The following INPP5A variants were observed in gnomAD, a reference collection of about 807,000 sequenced individuals.
INPP5A encodes the protein 43 kDa inositol polyphosphate 5-phophatase.
A neutral mutation model predicts 65.2 loss-of-function variants in INPP5A; 14 were observed. That is an observed-to-expected ratio of 0.21 (90% CI 0.14 to 0.34). INPP5A has a LOEUF of 0.34. Among genes scored for constraint, INPP5A ranks in the 10% least tolerant of loss-of-function variants. The pLI, the probability that INPP5A is intolerant of heterozygous loss-of-function variation, is 1.00. For synonymous variants in INPP5A, 207 were observed against 208.3 expected, an observed-to-expected ratio of 0.99 and a Z score of 0.05; for missense variants, 431 against 545.6, an observed-to-expected ratio of 0.79 and a Z score of 2.09.
chr10:132,710,432 A>G lies in INPP5A; in HGVS notation c.623A>G (p.Lys208Arg). 2 of 1,613,906 alleles carry G rather than the reference A, an allele frequency of 1.2e-6. No individual in the cohort carries two copies. The highest frequency in any genetic ancestry group is 8.5e-7 in the Non-Finnish European group (1 of 1,180,004). ...SPSVYSGIRH[K>R]ALGYVLDRII... ...TCCGTGTACTCGGGAATCCGGCACA[A>G]GGCACTGGGCTACGTGCTGGACAGG... The change falls in exon 8 of 16, where the codon AAG (lysine) becomes AGG (arginine). Residue 208 changes from lysine to arginine, a missense_variant. By Grantham distance (26) the Lys-to-Arg change is conservative. Transcript: ENST00000368594.
intron 4 of INPP5A, among the ~76,000 whole-genome samples, chr10:132,667,475 A>G (rs2072821028): frequency 1.3e-5 from 2 of 152,184 alleles, no homozygotes; most frequent in Admixed American, 6.5e-5. Context: ...CTCTTTAGAA[A>G]TTGGATAGGC....
intron 2 of INPP5A, among the ~76,000 whole-genome samples, chr10:132,638,550 C>T (rs1244586803): frequency 2.0e-5 from 3 of 152,104 alleles, no homozygotes; most frequent in Non-Finnish European, 4.4e-5. Flanking sequence ...TTTGTAGCTC[C>T]CAATTTTATT....
intron 8 of INPP5A, among the ~76,000 whole-genome samples, chr10:132,718,968 TTG>T (rs1845802906): frequency 6.8e-6 from 1 of 148,034 alleles, no homozygotes; most frequent in Non-Finnish European, 1.5e-5. Flanking sequence ...GACGACTGTC[TTG>T]CGGGTTCTGT....
At chr10:132,620,348 T>C (rs529452017) in intron 2 of INPP5A, among the ~76,000 whole-genome samples, 22 of 152,344 alleles carry the variant, frequency 1.4e-4, no homozygotes, top group African/African-American at 5.3e-4. Context: ...GGCTGCAAAG[T>C]TTTCAAACTT....
chr10:132,572,084 GA>G (rs1335400903), intron 1 of INPP5A, among the ~76,000 whole-genome samples: 1 of 152,230 alleles, frequency 6.6e-6, no homozygotes, highest in Non-Finnish European at 1.5e-5. Flanking sequence ...ACACACTGGG[GA>G]TTTGACAGCT....
chr10:132,572,366 T>G (rs763410392), intron 1 of INPP5A, among the ~76,000 whole-genome samples: 5 of 152,316 alleles, frequency 3.3e-5, no homozygotes, highest in African/African-American at 4.8e-5. Flanking sequence ...TCCCTGAGCT[T>G]CTGTTTTGCA....
intron 11 of INPP5A, among the ~76,000 whole-genome samples, chr10:132,751,350 C>T (rs561264832): frequency 3.1e-4 from 47 of 152,368 alleles, no homozygotes; most frequent in Admixed American, 6.5e-4. Flanking sequence ...CTGGGCAAGC[C>T]TAAGGTTTCC....
Position 132,659,048 on chromosome 10 carries a change from C to A in INPP5A, c.306+8543C>A, listed in dbSNP as rs1013937584. Among the ~76,000 whole-genome samples, 1 of 152,200 alleles carries A rather than the reference C, an allele frequency of 6.6e-6. No homozygotes were observed. The highest frequency in any genetic ancestry group is 1.5e-5 in the Non-Finnish European group (1 of 68,034). On this transcript the variant is annotated intron_variant, in intron 4 of 15. Transcript: ENST00000368594. This position sits in a 1 kb window ranked among gnomAD's most constrained non-coding sequence, Gnocchi z 5.5. ...GGAAGCTGCCAGCCACCAAGGCTAC[C>A]GACCTGGGCCCTGGGGATGAGCAGC...
At chr10:132,775,863 C>T (rs1260026309) in intron 12 of INPP5A, among the ~76,000 whole-genome samples, 1 of 152,190 alleles carries the variant, frequency 6.6e-6, no homozygotes, top group African/African-American at 2.4e-5. Flanking sequence ...CCAGGTGGCA[C>T]GGGCTCTCCA....
rs1464538670 is a variant in INPP5A, at chr10:132,753,829, G to A, written c.903+3984G>A. The A allele has an allele frequency of 6.6e-6, 1 of 152,194 alleles. No homozygotes were observed. The highest frequency in any genetic ancestry group is 2.4e-5 in the African/African-American group (1 of 41,444). The allele number at this position is 152,194 out of a possible 1,614,324, so 9.4% of individuals were successfully genotyped here. A position where few individuals can be genotyped will look rare whatever the true frequency, so the allele number is the denominator to read the frequency against. On this transcript the variant is annotated intron_variant, in intron 11 of 15. Coordinates refer to ENST00000368594, the MANE Select transcript of INPP5A (RefSeq NM_005539.5). This position sits in a 1 kb window ranked among gnomAD's most constrained non-coding sequence, Gnocchi z 5.3. ...GCGGCCGGGACAGCTCCTGACAGAT[G>A]GGCAGGATCAGCCGCTGCCTTGTCA...
At position 132,553,396 on chromosome 10, in the gene INPP5A, C is replaced by T. The variant is rs544994532; in HGVS notation, c.75+15225C>T. ...AGGACTGGTGAACGCCTTCTCAGAG[C>T]CTTGGTGGAATATTGAGTAGGATAG... On this transcript the variant is annotated intron_variant, in intron 1 of 15. Coordinates refer to ENST00000368594, the MANE Select transcript of INPP5A (RefSeq NM_005539.5). Among the ~76,000 whole-genome samples the T allele has an allele frequency of 2.3e-4, 32 of 141,546 alleles. 2 individuals are homozygous for T. The South Asian group carries it at 7.0e-3, about 31-fold the overall frequency. 92.9% of individuals were successfully genotyped at this position (141,546 alleles called of 152,430 possible).
At position 132,650,866 on chromosome 10, in the gene INPP5A, C is replaced by G. The variant is rs1368093958; in HGVS notation, c.306+361C>G. Among the ~76,000 whole-genome samples the G allele has an allele frequency of 6.6e-6, 1 of 152,194 alleles. No individual in the cohort carries two copies. The highest frequency in any genetic ancestry group is 1.5e-5 in the Non-Finnish European group (1 of 68,028). On this transcript the variant is annotated intron_variant, in intron 4 of 15. Coordinates refer to ENST00000368594, the MANE Select transcript of INPP5A (RefSeq NM_005539.5). The surrounding 1 kb of genome is among the most constrained non-coding windows in gnomAD (Gnocchi z 5.5). ...GGTTGGACAGCAGCCGGTATTGCTT[C>G]AAGAGCCACCGTCGCCAGCCCTGCT...
chr10:132,763,538 C>T (rs919433957), intron 11 of INPP5A, among the ~76,000 whole-genome samples: 1 of 151,596 alleles, frequency 6.6e-6, no homozygotes, highest in Admixed American at 6.6e-5. Flanking sequence ...CCTGCATGCA[C>T]ACACACATAA....
chr10:132,684,412 TTACA>T (rs1300212129), intron 4 of INPP5A, among the ~76,000 whole-genome samples: 1 of 152,208 alleles, frequency 6.6e-6, no homozygotes, highest in Non-Finnish European at 1.5e-5. Flanking sequence ...TGTGTGTGTA[TTACA>T]TATGTATGTT....
intron 1 of INPP5A, among the ~76,000 whole-genome samples, chr10:132,565,618 T>C (rs956277937): frequency 3.3e-5 from 5 of 152,154 alleles, no homozygotes; most frequent in South Asian, 2.1e-4. Flanking sequence ...TGTGTGCATG[T>C]GTGTATGTGT....
chr10:132,623,970 G>T (rs893839695), intron 2 of INPP5A, among the ~76,000 whole-genome samples: 1 of 152,190 alleles, frequency 6.6e-6, no homozygotes, highest in Non-Finnish European at 1.5e-5. Context: ...TATTAGACTG[G>T]CTAAAATTCA....
chr10:132,592,590 A>G (rs1213725510), intron 1 of INPP5A, among the ~76,000 whole-genome samples: 1 of 152,146 alleles, frequency 6.6e-6, no homozygotes, highest in Non-Finnish European at 1.5e-5. Flanking sequence ...TATTTTTAGT[A>G]GAGATGGGGT....
At chr10:132,770,974 C>CT (rs998610712) in intron 12 of INPP5A, among the ~76,000 whole-genome samples, 13 of 152,200 alleles carry the variant, frequency 8.5e-5, no homozygotes, top group African/African-American at 3.1e-4. Flanking sequence ...CTCGGGTCTC[C>CT]TTGAAAGCTT....
At chr10:132,672,373 C>G (rs2072902052) in intron 4 of INPP5A, among the ~76,000 whole-genome samples, 1 of 152,146 alleles carries the variant, frequency 6.6e-6, no homozygotes, top group South Asian at 2.1e-4. Context: ...CAAATCTCAT[C>G]TTGAATTCCC....
Sources: gnomAD v4.1 joint callset for allele counts (sites outside exome capture counted in the v4.1 genomes callset) on GRCh38, gnomAD v4.1.1 for gene constraint, Gnocchi (gnomAD v3.1) non-coding constraint, MANE v1.5 for transcripts, NCBI Gene and HGNC (gene_info 2026-07-23, HGNC 2026-07-21) for gene names.